MAP2: variants seen among roughly 807,000 people sequenced by gnomAD.
The protein encoded by MAP2 is microtubule associated protein 2, also known as microtubule-associated protein 2.
MAP2 carries 14 observed loss-of-function variants against 137.6 expected under a neutral mutation model. The observed-to-expected ratio is 0.10, with a 90% confidence interval of 0.07 to 0.16. The LOEUF (loss-of-function observed/expected upper bound fraction) is 0.16, where lower values mean the gene tolerates loss of function less well. Among genes scored for constraint, MAP2 ranks in the 10% least tolerant of loss-of-function variants. MAP2 has a pLI of 1.00. For missense variants in MAP2, 2,088 were observed against 2,191.5 expected (o/e 0.95, Z 0.94); for synonymous variants, 786 against 782.3 (o/e 1.00, Z -0.08).
At chr2:209,593,263 T>G (rs2079782604) in intron 3 of MAP2, among the ~76,000 whole-genome samples, 1 of 152,000 alleles carries the variant, frequency 6.6e-6, no homozygotes, top group African/African-American at 2.4e-5. Flanking sequence ...TCAAGAGTGA[T>G]TTTTAAAATG....
At chr2:209,542,914 G>T (rs1385332711) in intron 2 of MAP2, among the ~76,000 whole-genome samples, 2 of 152,136 alleles carry the variant, frequency 1.3e-5, no homozygotes, top group African/African-American at 4.8e-5. Flanking sequence ...CTTATCATTT[G>T]TATGTTTTCT....
chr2:209,580,124 T>G (rs2076073921), intron 3 of MAP2, 24 bp downstream of exon 3: 1 of 152,076 alleles, frequency 6.6e-6, no homozygotes, highest in Admixed American at 6.5e-5. Context: ...TGTTTGGATG[T>G]TTTAATGAGG....
chr2:209,578,815 G>A (rs2075764029), intron 2 of MAP2, among the ~76,000 whole-genome samples: 1 of 152,104 alleles, frequency 6.6e-6, no homozygotes, highest in African/African-American at 2.4e-5. Flanking sequence ...CTCTGCCTGG[G>A]CCCTCAGGGA....
At position 209,693,456 on chromosome 2, in the gene MAP2, G is replaced by A. The variant is rs902740807; in HGVS notation, c.1286G>A (p.Ser429Asn). 1 of 1,614,026 alleles carries A rather than the reference G, an allele frequency of 6.2e-7. No individual in the cohort carries two copies. Among genetic ancestry groups the A allele is most frequent in the Non-Finnish European group, 8.5e-7 (1 of 1,179,992 alleles). Residue 429 changes from serine (S) to asparagine (N), a missense_variant, in exon 8 of 16, where the codon AGT becomes AAT. Ser to Asn is a conservative substitution (Grantham distance 46). Transcript: ENST00000682079. Reference protein sequence around the residue: ...TVQQRDTFTPSGQEPILTEKE... With the variant: ...TVQQRDTFTPNGQEPILTEKE... ...CAGCAAAGGGATACTTTCACCCCCA[G>A]TGGACAGGAACCTATACTTACTGAA...
chr2:209,482,308 G>A (rs1206809159), intron 1 of MAP2, among the ~76,000 whole-genome samples: 1 of 152,090 alleles, frequency 6.6e-6, no homozygotes, highest in South Asian at 2.1e-4. Context: ...ATAAATGACT[G>A]TCAGTAAGTT....
At chr2:209,463,315 A>G (rs1366643779) in intron 1 of MAP2, among the ~76,000 whole-genome samples, 1 of 152,200 alleles carries the variant, frequency 6.6e-6, no homozygotes, top group Non-Finnish European at 1.5e-5. Context: ...TTTCATACAA[A>G]ATAATAAAAG....
intron 2 of MAP2, among the ~76,000 whole-genome samples, chr2:209,512,630 T>C (rs2061898520): frequency 6.6e-6 from 1 of 151,502 alleles, no homozygotes; most frequent in East Asian, 1.9e-4. Flanking sequence ...ATGTATGATA[T>C]ATATAAATTT....
intron 3 of MAP2, among the ~76,000 whole-genome samples, chr2:209,613,134 G>T (rs997216986): frequency 2.2e-4 from 34 of 152,130 alleles, no homozygotes; most frequent in African/African-American, 7.7e-4. Flanking sequence ...AAGTAGACTT[G>T]CTGTGCATAG....
intron 1 of MAP2, among the ~76,000 whole-genome samples, chr2:209,488,773 A>G (rs1161319266): frequency 1.3e-5 from 2 of 152,156 alleles, no homozygotes; most frequent in Admixed American, 6.5e-5. Context: ...TCTGAAAGAA[A>G]GGCAGCAGCC....
intron 3 of MAP2, among the ~76,000 whole-genome samples, chr2:209,585,232 G>A (rs1190883969): frequency 6.8e-6 from 1 of 147,778 alleles, no homozygotes; most frequent in Non-Finnish European, 1.5e-5. Context: ...TAAGGGACAA[G>A]AATTAAAGTT....
rs146855687 is a variant in MAP2 at position 209,713,347 on chromosome 2, A to G, written c.5073+3093A>G. 5.6e-3 allele frequency among the ~76,000 whole-genome samples: 850 copies of G among 152,282 alleles called. 4 individuals carry two copies. The highest frequency in any genetic ancestry group is 9.5e-3 in the Non-Finnish European group (646 of 68,022). ...ACAGGTTTTGTGCTTAACAGCAGCT[A>G]TCTCTTCTGTTAAGGTCCAATTTCT... On this transcript the variant is annotated intron_variant, in intron 13 of 15. Coordinates refer to ENST00000682079, the MANE Select transcript of MAP2 (RefSeq NM_001375505.1).
chr2:209,532,523 G>T (rs2065275501), intron 2 of MAP2, among the ~76,000 whole-genome samples: 1 of 152,172 alleles, frequency 6.6e-6, no homozygotes, highest in South Asian at 2.1e-4. Context: ...GGGTCTCATA[G>T]CTTACAGCTG....
chr2:209,696,297 C>A lies in MAP2; in HGVS notation c.4127C>A (p.Thr1376Asn). The A allele has an allele frequency of 6.3e-7, 1 of 1,596,034 alleles. No homozygotes were observed. The highest frequency in any genetic ancestry group is 2.2e-5 in the East Asian group (1 of 44,828). Reference sequence around the variant, plus strand: ...ACCTATGACGATTACAAAGATGAGACCACCATTGACGACTCCATCATGGAC... The same window carrying A: ...ACCTATGACGATTACAAAGATGAGAACACCATTGACGACTCCATCATGGAC... ...TETYDDYKDE[T>N]TIDDSIMDAD... Residue 1376 changes from threonine to asparagine, a missense_variant, in exon 8 of 16, where the codon ACC becomes AAC. Coordinates refer to ENST00000682079, the MANE Select transcript of MAP2 (RefSeq NM_001375505.1).
At chr2:209,622,003 T>C (rs1285220318) in intron 3 of MAP2, among the ~76,000 whole-genome samples, 3 of 152,242 alleles carry the variant, frequency 2.0e-5, no homozygotes, top group Non-Finnish European at 4.4e-5. Context: ...GCAGTGTACA[T>C]CCTATTCTCT....
At position 209,730,495 on chromosome 2, in the gene MAP2, AAAAT is replaced by A. The variant is rs1425508197; in HGVS notation, c.*105_*108del. 17 of 793,326 alleles carry A rather than the reference AAAAT, an allele frequency of 2.1e-5. No homozygotes were observed. Among genetic ancestry groups the A allele is most frequent in the Middle Eastern group, 2.5e-4 (1 of 3,958 alleles). 49.1% of individuals were successfully genotyped at this position (793,326 alleles called of 1,614,324 possible). Reference sequence around the variant, plus strand: ...GTTATATTCATTCTTTATAAACCATAAAATAAATAATCTCATCCCCAAACTGTAG... The same window carrying A: ...GTTATATTCATTCTTTATAAACCATAAAATAATCTCATCCCCAAACTGTAG... On this transcript the variant is annotated 3_prime_UTR_variant, in exon 16 of 16. Transcript: ENST00000682079.
At chr2:209,708,797 C>A (rs537358673) in intron 12 of MAP2, among the ~76,000 whole-genome samples, 7 of 151,952 alleles carry the variant, frequency 4.6e-5, no homozygotes, top group African/African-American at 1.7e-4. Flanking sequence ...AATGTAAATC[C>A]TCAGGGGCTA....
At chr2:209,541,093 C>T (rs895282248) in intron 2 of MAP2, among the ~76,000 whole-genome samples, 14 of 151,226 alleles carry the variant, frequency 9.3e-5, no homozygotes, top group Non-Finnish European at 1.8e-4. Flanking sequence ...TGCGATGGCA[C>T]GATCTCGGCT....
chr2:209,662,461 A>C (rs1460090878), intron 5 of MAP2, among the ~76,000 whole-genome samples: 1 of 152,178 alleles, frequency 6.6e-6, no homozygotes, highest in Non-Finnish European at 1.5e-5. Flanking sequence ...ATTTATGAAA[A>C]TTATTCTTTC....
chr2:209,510,098 C>A (rs2061550571), intron 2 of MAP2, among the ~76,000 whole-genome samples: 1 of 150,292 alleles, frequency 6.7e-6, no homozygotes, highest in Admixed American at 6.6e-5. Flanking sequence ...TTCTCAGCAA[C>A]ATTTTAGGCC....
Sources: gnomAD v4.1 joint callset for allele counts (sites outside exome capture counted in the v4.1 genomes callset) on GRCh38, gnomAD v4.1.1 for gene constraint, MANE v1.5 for transcripts, NCBI Gene and HGNC (gene_info 2026-07-23, HGNC 2026-07-21) for gene names.